Variants in GIGYF2 observed in about 807,000 individuals in gnomAD.
GIGYF2 encodes GRB10-interacting GYF protein 2.
A neutral mutation model predicts 208.1 loss-of-function variants in GIGYF2; 25 were observed. That is an observed-to-expected ratio of 0.12 (90% CI 0.09 to 0.17). GIGYF2 has a LOEUF of 0.17. Among genes scored for constraint, GIGYF2 ranks in the 10% least tolerant of loss-of-function variants. GIGYF2 has a pLI of 1.00. For missense variants in GIGYF2, 1,302 were observed against 1,579.4 expected (o/e 0.82, Z 2.98); for synonymous variants, 534 against 543.8 (o/e 0.98, Z 0.25).
chr2:232,795,181 ATTTAC>A (rs907593001), intron 13 of GIGYF2, among the ~76,000 whole-genome samples: 3 of 152,088 alleles, frequency 2.0e-5, no homozygotes, highest in Non-Finnish European at 1.5e-5. Flanking sequence ...GCCCTTAGCT[ATTTAC>A]TTTTCTTTTT....
intron 12 of GIGYF2, 68 bp from the exon 13 acceptor site, chr2:232,794,680 A>C: frequency 8.1e-7 from 1 of 1,231,486 alleles, no homozygotes; most frequent in Non-Finnish European, 1.2e-6. Context: ...GTGCGACTTG[A>C]TAATGTAGTT....
At chr2:232,763,015 C>T (rs1316051427) in intron 8 of GIGYF2, among the ~76,000 whole-genome samples, 1 of 151,648 alleles carries the variant, frequency 6.6e-6, no homozygotes, top group East Asian at 1.9e-4. Flanking sequence ...CAGAGTGAGA[C>T]CCTGTCAAAA....
chr2:232,726,244 C>A (rs1453825832), intron 2 of GIGYF2, among the ~76,000 whole-genome samples: 1 of 151,866 alleles, frequency 6.6e-6, no homozygotes, highest in African/African-American at 2.4e-5. Flanking sequence ...TGTTCGGCGC[C>A]TGTAATCCCA....
At chr2:232,782,581 C>T (rs1409503851) in intron 8 of GIGYF2, 1 of 151,978 alleles carries the variant, frequency 6.6e-6, no homozygotes, top group Non-Finnish European at 1.5e-5. Context: ...AGAGTAATAC[C>T]GTGTGGTTTG....
chr2:232,847,499 T>TCAGCAGCAGCAGCTGCCGCAG lies in GIGYF2; in HGVS notation c.3629_3630insGCAGCAGCAGCAGCAGCTGCC (p.Leu1209_Gln1215dup). 2 of 1,582,622 alleles carry TCAGCAGCAGCAGCTGCCGCAG rather than the reference T, an allele frequency of 1.3e-6. No homozygotes were observed. ...CCAAACAGAAAGCCAACCAGCAGCG[T>TCAGCAGCAGCAGCTGCCGCAG]CAGCAGCAGCAGCTGCCACAGCAGC... On this transcript the variant is annotated inframe_insertion, in exon 27 of 29. Transcript: ENST00000373563.
intron 14 of GIGYF2, among the ~76,000 whole-genome samples, chr2:232,803,014 C>G (rs1377438424): frequency 2.0e-5 from 3 of 152,074 alleles, no homozygotes; most frequent in Admixed American, 6.5e-5. Flanking sequence ...GTTCTCCTGC[C>G]TCAGCCTCCT....
chr2:232,795,968 G>C (rs1265014766), intron 13 of GIGYF2, 94 bp from the exon 14 acceptor site: 1 of 861,760 alleles, frequency 1.2e-6, no homozygotes, highest in Non-Finnish European at 2.0e-6. Context: ...CATAGATCAA[G>C]TAGTCCAAAA....
chr2:232,775,426 G>A (rs1699471178), intron 8 of GIGYF2, among the ~76,000 whole-genome samples: 1 of 152,104 alleles, frequency 6.6e-6, no homozygotes, highest in African/African-American at 2.4e-5. Context: ...TCCTACAAAG[G>A]ATACAAGTTT....
Position 232,820,891 on chromosome 2 carries a change from C to T in GIGYF2, c.2529+906C>T, listed in dbSNP as rs138583997. 3.5e-3 allele frequency among the ~76,000 whole-genome samples: 503 copies of T among 145,180 alleles called. 4 individuals are homozygous for T. The highest frequency in any genetic ancestry group is 0.017 in the Middle Eastern group (4 of 240). On this transcript the variant is annotated intron_variant, in intron 21 of 28. Coordinates refer to ENST00000373563, the MANE Select transcript of GIGYF2 (RefSeq NM_001103146.3). ...TGTTGCCCAGGCTGGAGTGCAGTGG[C>T]GCGATTTTGGCTTACTGCAACCTCC...
chr2:232,844,341 T>C (rs1341209389), intron 24 of GIGYF2, 28 bp from the exon 25 acceptor site: 22 of 1,608,848 alleles, frequency 1.4e-5, no homozygotes, highest in Non-Finnish European at 1.8e-5. Context: ...TGATTCACGA[T>C]AATCATTTTT....
intron 3 of GIGYF2, among the ~76,000 whole-genome samples, chr2:232,737,907 C>CTTT (rs11320395): frequency 1.2e-4 from 10 of 85,212 alleles, no homozygotes; most frequent in Non-Finnish European, 1.3e-4. Flanking sequence ...TAAGCTTTAA[C>CTTT]TTTTTTTTTT....
rs1559160585 is a variant in GIGYF2 at position 232,836,308 on chromosome 2, AT to A, written c.2766+3216del. On this transcript the variant is annotated intron_variant, in intron 22 of 28. Coordinates refer to ENST00000373563, the MANE Select transcript of GIGYF2 (RefSeq NM_001103146.3). ...TATATATATATATATATATATATATATATATATATATATATATATATACATA... is the reference window on the plus strand; with the variant it reads ...TATATATATATATATATATATATATAATATATATATATATATATATACATA... Among the ~76,000 whole-genome samples the A allele has an allele frequency of 1.4e-3, 31 of 21,586 alleles. 4 individuals are homozygous for A. Among genetic ancestry groups the A allele is most frequent in the African/African-American group, 3.5e-3 (23 of 6,646 alleles). 14.2% of individuals were successfully genotyped at this position (21,586 alleles called of 152,430 possible).
chr2:232,820,077 AT>A, intron 21 of GIGYF2, 92 bp downstream of exon 21: 1 of 1,444,046 alleles, frequency 6.9e-7, no homozygotes. Flanking sequence ...CCTATCTAAA[AT>A]TTTTTCAGGT....
chr2:232,790,967 C>G (rs1700052779), intron 10 of GIGYF2, 41 bp from the exon 11 acceptor site: 1 of 1,612,274 alleles, frequency 6.2e-7, no homozygotes, highest in Non-Finnish European at 8.5e-7. Context: ...ATACCAAAGC[C>G]AAATCTGCTG....
intron 2 of GIGYF2, among the ~76,000 whole-genome samples, chr2:232,720,017 C>T (rs1277685984): frequency 6.6e-6 from 1 of 152,052 alleles, no homozygotes; most frequent in Non-Finnish European, 1.5e-5. Flanking sequence ...CATAGTTGTA[C>T]ATGTGCCATG....
intron 3 of GIGYF2, among the ~76,000 whole-genome samples, chr2:232,744,668 A>G (rs1698085006): frequency 6.6e-6 from 1 of 151,690 alleles, no homozygotes; most frequent in Admixed American, 6.6e-5. Flanking sequence ...AGTAGCTGGG[A>G]CCAGAGGCAT....
At chr2:232,837,308 G>A (rs777142170) in intron 22 of GIGYF2, among the ~76,000 whole-genome samples, 1 of 152,222 alleles carries the variant, frequency 6.6e-6, no homozygotes, top group Non-Finnish European at 1.5e-5. Context: ...CTAGAGTGGA[G>A]TTTCTGTCTC....
intron 2 of GIGYF2, among the ~76,000 whole-genome samples, chr2:232,723,456 A>G (rs1418896055): frequency 1.4e-5 from 2 of 140,012 alleles, no homozygotes; most frequent in Admixed American, 1.5e-4. Flanking sequence ...TTTGAGACAG[A>G]GTCTCGCTCT....
At chr2:232,746,073 T>C (rs760208859) in intron 3 of GIGYF2, among the ~76,000 whole-genome samples, 3 of 151,966 alleles carry the variant, frequency 2.0e-5, no homozygotes, top group Non-Finnish European at 4.4e-5. Flanking sequence ...GGTTGGGCAA[T>C]ATAGTGAGAC....
Sources: allele counts gnomAD v4.1 joint callset (sites outside exome capture counted in the v4.1 genomes callset), GRCh38; gene constraint gnomAD v4.1.1; transcripts MANE v1.5; gene names NCBI Gene and HGNC (gene_info 2026-07-23, HGNC 2026-07-21).